The following KIRREL3 variants were observed in gnomAD, a reference collection of about 807,000 sequenced individuals.
KIRREL3 encodes the protein kin of IRRE-like protein 3.
KIRREL3 carries 36 observed loss-of-function variants against 89.7 expected under a neutral mutation model. The observed-to-expected ratio is 0.40, with a 90% CI of 0.31 to 0.53. The LOEUF (loss-of-function observed/expected upper bound fraction) is 0.53, where lower values mean the gene tolerates loss of function less well. Among genes scored for constraint, KIRREL3 ranks in the 20% least tolerant of loss-of-function variants. The pLI is 0.49. For synonymous variants in KIRREL3, 445 were observed against 441.4 expected (o/e 1.01, Z -0.10); for missense variants, 864 against 1,056.6 (o/e 0.82, Z 2.53).
At chr11:126,916,007 T>C (rs543218342) in intron 1 of KIRREL3, among the ~76,000 whole-genome samples, 2 of 152,326 alleles carry the variant, frequency 1.3e-5, no homozygotes, top group East Asian at 3.9e-4. Flanking sequence ...ACATAGTAGA[T>C]GATGCATAAT....
intron 1 of KIRREL3, among the ~76,000 whole-genome samples, chr11:126,966,385 C>G (rs1034156763): frequency 1.3e-5 from 2 of 152,156 alleles, no homozygotes; most frequent in Non-Finnish European, 2.9e-5. Context: ...AATAAGCAAG[C>G]TGCTGTTCTG....
At chr11:126,934,788 C>G (rs571278659) in intron 1 of KIRREL3, 3 of 152,102 alleles carry the variant, frequency 2.0e-5, no homozygotes, top group Non-Finnish European at 4.4e-5. Context: ...CGGCCAGGCG[C>G]GGAGACTCAT....
rs186142031 is a variant in KIRREL3 at position 126,551,676 on chromosome 11, A to G, written c.133+11159T>C. Among the ~76,000 whole-genome samples the G allele has an allele frequency of 3.5e-5, 5 of 144,786 alleles. No individual in the cohort carries two copies. The highest frequency in any genetic ancestry group is 5.3e-5 in the African/African-American group (2 of 37,876). The allele number at this position is 144,786 out of a possible 152,430, so 95.0% of individuals were successfully genotyped here. A position where few individuals can be genotyped will look rare whatever the true frequency, so the allele number is the denominator to read the frequency against. On this transcript the variant is annotated intron_variant, in intron 2 of 16. Transcript: ENST00000525144. The surrounding 1 kb of genome is among the most constrained non-coding windows in gnomAD (Gnocchi z 4.9). The stretch of plus-strand genomic sequence containing the variant: ...GCTTTTTTTTTTTTTTTTGAGACAG[A>G]GTCTCGCTCTGTTTCTCAGGCTGAG...
rs1333966779 is a variant in KIRREL3 at position 126,553,189 on chromosome 11, T to G, written c.133+9646A>C. Among the ~76,000 whole-genome samples, 4 of 152,220 alleles carry G rather than the reference T, an allele frequency of 2.6e-5. No homozygotes were observed. Among genetic ancestry groups the G allele is most frequent in the Non-Finnish European group, 5.9e-5 (4 of 68,042 alleles). On this transcript the variant is annotated intron_variant, in intron 2 of 16. Coordinates refer to ENST00000525144, the MANE Select transcript of KIRREL3 (RefSeq NM_032531.4). This position sits in a 1 kb window ranked among gnomAD's most constrained non-coding sequence, Gnocchi z 4.7. ...GATCTCTCTGACCATTGCTGGACAT[T>G]ATGGGCTTACAGTGTGTCCCTTGGT...
chr11:126,519,180 G>C lies in KIRREL3; in HGVS notation c.433+2135C>G, dbSNP rs1018752660. Among the ~76,000 whole-genome samples the C allele has an allele frequency of 1.3e-5, 2 of 152,214 alleles. No homozygotes were observed. The highest frequency in any genetic ancestry group is 4.8e-5 in the African/African-American group (2 of 41,464). On this transcript the variant is annotated intron_variant, in intron 4 of 16. Transcript: ENST00000525144. This position sits in a 1 kb window ranked among gnomAD's most constrained non-coding sequence, Gnocchi z 4.3. ...GTCAGGCCATGCCACCGGAGAGGAAGGGGGAGCGAATGCCTTTTAGACATG... is the reference window on the plus strand; with the variant it reads ...GTCAGGCCATGCCACCGGAGAGGAACGGGGAGCGAATGCCTTTTAGACATG...
At chr11:126,833,451 T>C (rs1170972023) in intron 1 of KIRREL3, among the ~76,000 whole-genome samples, 1 of 152,230 alleles carries the variant, frequency 6.6e-6, no homozygotes, top group East Asian at 1.9e-4. Context: ...TGCACACCTT[T>C]TGCTGTATTA....
rs10790807 is a variant in KIRREL3 at position 126,474,237 on chromosome 11, C to T, written c.434-771G>A. ...GTGCTGGGATTACAGGCGTGAGCCA[C>T]GGCACCTGGCTTTTCTTTTTTCTTT... On this transcript the variant is annotated intron_variant, in intron 4 of 16. Coordinates refer to ENST00000525144, the MANE Select transcript of KIRREL3 (RefSeq NM_032531.4). This position sits in a 1 kb window ranked among gnomAD's most constrained non-coding sequence, Gnocchi z 6.7. Among the ~76,000 whole-genome samples, 64,862 of 152,140 alleles carry T rather than the reference C, an allele frequency of 0.43. 14,963 individuals are homozygous for T. The highest frequency in any genetic ancestry group is 0.6 in the African/African-American group (24,787 of 41,476).
At chr11:126,914,833 T>G (rs1269040878) in intron 1 of KIRREL3, among the ~76,000 whole-genome samples, 1 of 152,260 alleles carries the variant, frequency 6.6e-6, no homozygotes, top group African/African-American at 2.4e-5. Flanking sequence ...TTTACTGTTT[T>G]CGAACTTAAC....
rs1411395943 is a variant in KIRREL3, at chr11:126,908,571, T to C, written c.55+91884A>G. On this transcript the variant is annotated intron_variant, in intron 1 of 16. Coordinates refer to ENST00000525144, the MANE Select transcript of KIRREL3 (RefSeq NM_032531.4). The surrounding 1 kb of genome is among the most constrained non-coding windows in gnomAD (Gnocchi z 4.2). ...ACAGGGCAGGGCATAGGGTAAACGT[T>C]CTAGAAACACTGGCTATTACTATTG... Among the ~76,000 whole-genome samples the C allele has an allele frequency of 6.6e-6, 1 of 152,224 alleles. No homozygotes were observed. The highest frequency in any genetic ancestry group is 6.5e-5 in the Admixed American group (1 of 15,286).
In KIRREL3 at chr11:126,954,504, C is replaced by T. The variant is rs1036412844; in HGVS notation, c.55+45951G>A. On this transcript the variant is annotated intron_variant, in intron 1 of 16. Transcript: ENST00000525144. The surrounding 1 kb of genome is among the most constrained non-coding windows in gnomAD (Gnocchi z 4.1). ...TTTCTTGTTCCTCCTGTCTATCTCC[C>T]TCCTCCCCATCCCCTCGTCCTCCTC... Among the ~76,000 whole-genome samples, 1 of 152,064 alleles carries T rather than the reference C, an allele frequency of 6.6e-6. No homozygotes were observed. Among genetic ancestry groups the T allele is most frequent in the Non-Finnish European group, 1.5e-5 (1 of 68,022 alleles).
In KIRREL3 at chr11:126,561,832, G is replaced by A. The variant is rs1174917879; in HGVS notation, c.133+1003C>T. On this transcript the variant is annotated intron_variant, in intron 2 of 16. Transcript: ENST00000525144. This position sits in a 1 kb window ranked among gnomAD's most constrained non-coding sequence, Gnocchi z 4.5. ...TGGCAAAGTCTCAGGCATGGGGAGC[G>A]CATGGGGATGTGGTTGTCGTGGTCG... Among the ~76,000 whole-genome samples, 1 of 152,338 alleles carries A rather than the reference G, an allele frequency of 6.6e-6. No individual in the cohort carries two copies. The highest frequency in any genetic ancestry group is 1.9e-4 in the East Asian group (1 of 5,180).
At chr11:126,919,754 C>CA (rs1374435439) in intron 1 of KIRREL3, among the ~76,000 whole-genome samples, 1 of 152,180 alleles carries the variant, frequency 6.6e-6, no homozygotes, top group East Asian at 1.9e-4. Context: ...AATAGGTGTG[C>CA]ATGACTTTCA....
At position 126,455,355 on chromosome 11, in the gene KIRREL3, T is replaced by C. The variant is rs1181470788; in HGVS notation, c.848+994A>G. On this transcript the variant is annotated intron_variant, in intron 7 of 16. Coordinates refer to ENST00000525144, the MANE Select transcript of KIRREL3 (RefSeq NM_032531.4). This position sits in a 1 kb window ranked among gnomAD's most constrained non-coding sequence, Gnocchi z 6.4. ...AAGGCGCCCAGAGGAAGCGTGTGTT[T>C]ATTGGATCAGTCAGACACATCTAAG... Among the ~76,000 whole-genome samples, 1 of 152,190 alleles carries C rather than the reference T, an allele frequency of 6.6e-6. No homozygotes were observed. The highest frequency in any genetic ancestry group is 1.5e-5 in the Non-Finnish European group (1 of 68,032).
chr11:126,590,528 C>T (rs1026593626), intron 1 of KIRREL3, among the ~76,000 whole-genome samples: 5 of 152,218 alleles, frequency 3.3e-5, no homozygotes, highest in South Asian at 4.1e-4. Context: ...TGGCTGCATG[C>T]GGCCCTGCTG....
In KIRREL3 at chr11:126,565,054, A is replaced by C. The variant is rs1293870585; in HGVS notation, c.56-2142T>G. On this transcript the variant is annotated intron_variant, in intron 1 of 16. Coordinates refer to ENST00000525144, the MANE Select transcript of KIRREL3 (RefSeq NM_032531.4). The surrounding 1 kb of genome is among the most constrained non-coding windows in gnomAD (Gnocchi z 5.4). ...AGTTTGGGCTCCTGGACTAAGCCCA[A>C]ACTCAATCCAGGAGCTTGGGAGGGA... Among the ~76,000 whole-genome samples, 1 of 152,160 alleles carries C rather than the reference A, an allele frequency of 6.6e-6. No homozygotes were observed. The highest frequency in any genetic ancestry group is 1.5e-5 in the Non-Finnish European group (1 of 68,022).
chr11:126,493,488 T>G (rs1957575853), intron 4 of KIRREL3, among the ~76,000 whole-genome samples: 1 of 151,822 alleles, frequency 6.6e-6, no homozygotes, highest in Admixed American at 6.6e-5. Context: ...ACCCCACCTC[T>G]ACTAAAAATA....
At chr11:126,927,780 A>T (rs571926872) in intron 1 of KIRREL3, among the ~76,000 whole-genome samples, 4 of 152,204 alleles carry the variant, frequency 2.6e-5, no homozygotes, top group Admixed American at 2.6e-4. Flanking sequence ...CATTCTCAAA[A>T]TCTCAAGAGT....
chr11:126,448,536 C>G (rs1446368131), intron 8 of KIRREL3, among the ~76,000 whole-genome samples: 1 of 152,176 alleles, frequency 6.6e-6, no homozygotes, highest in African/African-American at 2.4e-5. Flanking sequence ...AAATCCTCAC[C>G]CCTGTGGGAT....
intron 6 of KIRREL3, among the ~76,000 whole-genome samples, chr11:126,457,062 G>C (rs566738593): frequency 2.0e-4 from 31 of 152,224 alleles, no homozygotes; most frequent in African/African-American, 7.2e-4. Context: ...CAGAAAGTCA[G>C]GGAGAGAAAG....
Sources: gnomAD v4.1 joint callset for allele counts (sites outside exome capture counted in the v4.1 genomes callset) on GRCh38, gnomAD v4.1.1 for gene constraint, Gnocchi (gnomAD v3.1) non-coding constraint, MANE v1.5 for transcripts, NCBI Gene and HGNC (gene_info 2026-07-23, HGNC 2026-07-21) for gene names.